Variants in RNF14 observed in about 807,000 individuals in gnomAD.
RNF14 encodes the protein ring finger protein 14.
RNF14 carries 26 observed loss-of-function variants against 52.6 expected under a neutral mutation model. The observed-to-expected ratio is 0.49, with a 90% CI of 0.36 to 0.69. The LOEUF (loss-of-function observed/expected upper bound fraction) is 0.69, where lower values mean the gene tolerates loss of function less well. Ranked by LOEUF, RNF14 falls within the 30% of genes least tolerant of loss-of-function variation. RNF14 has a pLI of 0.00. For missense variants in RNF14, 404 were observed against 560.4 expected (o/e 0.72, Z 2.82); for synonymous variants, 194 against 202.0 (o/e 0.96, Z 0.34).
At chr5:141,956,061 G>A (rs1463552415), upstream of RNF14, 5 of 1,614,048 alleles carry the variant, frequency 3.1e-6, no homozygotes, top group Admixed American at 6.7e-5. Context: ...CTGGGCCCAA[G>A]CCATTGGGAG....
intron 2 of RNF14, among the ~76,000 whole-genome samples, chr5:141,971,568 TTTCTTTCTTTCTTTC>T: frequency 5.0e-3 from 5 of 1,002 alleles, no homozygotes; most frequent in Admixed American, 0.017. Flanking sequence ...TTTCTTTTTC[TTTCTTTCTTTCTTTC>T]TTTCTTTCTT....
At chr5:141,951,115 G>C in the RNF14 span, among the ~76,000 whole-genome samples, 1 of 152,158 alleles carries the variant, frequency 6.6e-6, no homozygotes, top group Non-Finnish European at 1.5e-5. Context: ...TGTCTTTAGT[G>C]GGGAGCCTTC....
chr5:141,971,618 TTCTTC>T (rs1753783744), intron 2 of RNF14, among the ~76,000 whole-genome samples: 1 of 149,248 alleles, frequency 6.7e-6, no homozygotes, highest in Non-Finnish European at 1.5e-5. Flanking sequence ...TTTCCTTTCT[TTCTTC>T]TTTCTTTCTT....
upstream of RNF14, chr5:141,958,009 C>T: frequency 1.2e-6 from 1 of 827,602 alleles, no homozygotes; most frequent in Non-Finnish European, 1.8e-6. Flanking sequence ...ATGAAACAAG[C>T]AGGACCCCAA....
At chr5:141,977,647 G>C (rs538785326) in intron 4 of RNF14, among the ~76,000 whole-genome samples, 1 of 152,308 alleles carries the variant, frequency 6.6e-6, no homozygotes, top group Non-Finnish European at 1.5e-5. Context: ...CTGAGGGCTT[G>C]TGATTAGGAC....
upstream of RNF14, among the ~76,000 whole-genome samples, chr5:141,968,307 A>T (rs1460842155): frequency 2.0e-5 from 3 of 151,968 alleles, no homozygotes; most frequent in Non-Finnish European, 2.9e-5. Context: ...GGGTTTCACC[A>T]TGTTGGTCAG....
At chr5:141,959,704 C>G (rs1428978519) in intron 1 of RNF14, among the ~76,000 whole-genome samples, 1 of 152,160 alleles carries the variant, frequency 6.6e-6, no homozygotes, top group Admixed American at 6.5e-5. Flanking sequence ...TCCCTTAACT[C>G]CATATCCCAC....
In RNF14 at chr5:141,980,315, A is replaced by G. The variant is rs1305301911; in HGVS notation, c.1027A>G (p.Thr343Ala). 1.2e-6 allele frequency: 2 copies of G among 1,614,006 alleles called. No homozygotes were observed. The highest frequency in any genetic ancestry group is 1.7e-6 in the Non-Finnish European group (2 of 1,180,032). ...NFAFCTLCRLTYHGVSPCKVT... is the reference protein window; with the variant it reads ...NFAFCTLCRLAYHGVSPCKVT... Reference sequence around the variant, plus strand: ...TGCCTTCTGTACTTTGTGCAGGTTGACCTACCATGGGGTCTCCCCATGTAA... The same window carrying G: ...TGCCTTCTGTACTTTGTGCAGGTTGGCCTACCATGGGGTCTCCCCATGTAA... The change falls in exon 6 of 9, where the codon ACC becomes GCC. Residue 343 changes from threonine (T) to alanine (A), a missense_variant. Physicochemically the swap from Thr to Ala is moderately conservative, Grantham distance 58. Coordinates refer to ENST00000394520, the MANE Select transcript of RNF14 (RefSeq NM_004290.5).
chr5:141,960,302 T>C (rs1753258202), intron 1 of RNF14, among the ~76,000 whole-genome samples: 1 of 152,200 alleles, frequency 6.6e-6, no homozygotes, highest in African/African-American at 2.4e-5. Flanking sequence ...GCCAGTAGAA[T>C]GGCTCTGGAA....
upstream of RNF14, chr5:141,957,343 T>G: frequency 6.2e-7 from 1 of 1,613,672 alleles, no homozygotes; most frequent in Non-Finnish European, 8.5e-7. This position sits in a 1 kb window ranked among gnomAD's most constrained non-coding sequence, Gnocchi z 4.3. Context: ...AGTGTAGGTG[T>G]GCAGGGTGTT....
At chr5:141,987,601 A>G in intron 8 of RNF14, 132 bp from the exon 9 acceptor site, 1 of 827,658 alleles carries the variant, frequency 1.2e-6, no homozygotes, top group Non-Finnish European at 2.0e-6. Context: ...AGCCCTCCTC[A>G]GTGCAATGAT....
intron 2 of RNF14, among the ~76,000 whole-genome samples, chr5:141,971,852 T>C (rs113301693): frequency 0.024 from 3,705 of 151,920 alleles, 81 homozygotes; most frequent in African/African-American, 0.063. Context: ...TTTGCTGTGT[T>C]GGCCAGGCTA....
At chr5:141,977,072 T>G (rs1445084902) in intron 4 of RNF14, among the ~76,000 whole-genome samples, 2 of 152,262 alleles carry the variant, frequency 1.3e-5, no homozygotes, top group Non-Finnish European at 2.9e-5. Flanking sequence ...ATTACAGGCA[T>G]GAGCCACCAC....
chr5:141,960,402 G>A (rs748883667), intron 1 of RNF14, among the ~76,000 whole-genome samples: 8 of 152,206 alleles, frequency 5.3e-5, no homozygotes, highest in Non-Finnish European at 8.8e-5. Flanking sequence ...AGTTGAATAG[G>A]CAGGAGACAG....
Position 141,961,205 on chromosome 5 carries a change from G to GGT in RNF14, c.-181+2797_-181+2798dup, listed in dbSNP as rs140523691. 7.7e-3 allele frequency among the ~76,000 whole-genome samples: 1,162 copies of GGT among 151,042 alleles called. 13 individuals carry two copies. The highest frequency in any genetic ancestry group is 0.025 in the African/African-American group (1,043 of 41,190). ...TTTACATGCAGTTATATATCTGTTG[G>GGT]GTGTGTGTGTGTGTGTGTCTGTGTT... On this transcript the variant is annotated intron_variant, in intron 1 of 4. Coordinates refer to the RNF14 transcript ENST00000506822.
upstream of RNF14, chr5:141,957,094 A>G (rs1214506496): frequency 6.2e-7 from 1 of 1,614,058 alleles, no homozygotes; most frequent in Non-Finnish European, 8.5e-7. The surrounding 1 kb of genome is among the most constrained non-coding windows in gnomAD (Gnocchi z 4.3). Context: ...ATCTTCTTGG[A>G]TTTCCAGTGC....
At chr5:141,985,536 T>G (rs74709227) in intron 8 of RNF14, among the ~76,000 whole-genome samples, 19,894 of 152,286 alleles carry the variant, frequency 0.13, 1,656 homozygotes, top group South Asian at 0.22. Context: ...CACCTTTTTT[T>G]TGTGTGTGTT....
the RNF14 span, among the ~76,000 whole-genome samples, chr5:141,951,766 A>G: frequency 6.6e-6 from 1 of 152,150 alleles, no homozygotes; most frequent in African/African-American, 2.4e-5. Flanking sequence ...CTGGGCGGGC[A>G]GGTCCCCTGC....
chr5:141,976,395 G>A (rs35087752), intron 4 of RNF14, among the ~76,000 whole-genome samples: 9,167 of 152,342 alleles, frequency 0.06, 408 homozygotes, highest in Non-Finnish European at 0.09. Context: ...CAGCCAACCA[G>A]CATCTACTTA....
Sources: gnomAD v4.1 joint callset for allele counts (sites outside exome capture counted in the v4.1 genomes callset) on GRCh38, gnomAD v4.1.1 for gene constraint, Gnocchi (gnomAD v3.1) non-coding constraint, MANE v1.5 for transcripts, NCBI Gene and HGNC (gene_info 2026-07-23, HGNC 2026-07-21) for gene names.